GLI2: variants seen among roughly 807,000 people sequenced by gnomAD.
GLI2 encodes the protein GLI family zinc finger 2, also known as transcription activator GLI2.
In GLI2, 22 loss-of-function variants were observed where a neutral mutation model predicts 78.9. The observed-to-expected ratio is 0.28, with a 90% confidence interval of 0.20 to 0.40. The LOEUF (loss-of-function observed/expected upper bound fraction) is 0.40. GLI2 is among the 10% of genes least tolerant of loss of function. The pLI is 1.00. For synonymous variants in GLI2, 974 were observed against 963.7 expected (o/e 1.01, Z -0.20); for missense variants, 2,097 against 2,213.2 (o/e 0.95, Z 1.05).
rs184709297 is a variant in GLI2, at chr2:120,895,071, G to A, written c.149-32290G>A. Among the ~76,000 whole-genome samples the A allele has an allele frequency of 4.2e-3, 639 of 152,268 alleles. 6 individuals carry two copies. Among genetic ancestry groups the A allele is most frequent in the African/African-American group, 0.015 (607 of 41,550 alleles). ...GGCTGATGGGGAGGGGAGGGGAGGG[G>A]CTCCCCGGTGGAGGCTTGGGCCACC... On this transcript the variant is annotated intron_variant, in intron 2 of 13. Coordinates refer to ENST00000361492, the MANE Select transcript of GLI2 (RefSeq NM_001374353.1).
intron 2 of GLI2, among the ~76,000 whole-genome samples, chr2:120,901,169 G>A (rs972997972): frequency 6.6e-6 from 1 of 152,196 alleles, no homozygotes; most frequent in African/African-American, 2.4e-5. Flanking sequence ...TGCCATCCGT[G>A]TTTTACTGAG....
Position 120,951,307 on chromosome 2 carries a change from C to A in GLI2, c.319C>A (p.Pro107Thr). 15 of 1,610,982 alleles carry A rather than the reference C, an allele frequency of 9.3e-6. No individual in the cohort carries two copies. Among genetic ancestry groups the A allele is most frequent in the Non-Finnish European group, 1.3e-5 (15 of 1,177,232 alleles). The change falls in exon 4 of 14, where the codon CCG becomes ACG. Residue 107 changes from proline to threonine, a missense_variant. Coordinates refer to ENST00000361492, the MANE Select transcript of GLI2 (RefSeq NM_001374353.1). ...CTCCTTGATCCGGCTTTCCCCGCAC[C>A]CGGCTGGCCCTGGGGAGTCCCCCTT... ...DISLIRLSPH[P>T]AGPGESPFNA... is the part of the protein sequence containing the mutation.
intron 2 of GLI2, among the ~76,000 whole-genome samples, chr2:120,846,827 T>C (rs1323438318): frequency 6.6e-6 from 1 of 152,240 alleles, no homozygotes; most frequent in Non-Finnish European, 1.5e-5. Context: ...TCAGAGTTGC[T>C]GTGCAGATGG....
chr2:120,807,855 C>T (rs1318420790), intron 2 of GLI2, among the ~76,000 whole-genome samples: 2 of 152,042 alleles, frequency 1.3e-5, no homozygotes, highest in Non-Finnish European at 2.9e-5. Flanking sequence ...CACCCCCCCA[C>T]ACACCTCCCC....
intron 3 of GLI2, among the ~76,000 whole-genome samples, chr2:120,942,229 A>G (rs796581274): frequency 3.4e-4 from 51 of 152,212 alleles, no homozygotes; most frequent in African/African-American, 1.1e-3. Context: ...AACAATAGAA[A>G]TATGTTCTCT....
intron 1 of GLI2, among the ~76,000 whole-genome samples, chr2:120,750,142 C>T (rs934457291): frequency 4.6e-5 from 7 of 152,350 alleles, no homozygotes; most frequent in East Asian, 1.9e-4. Context: ...GGTGGCCCCT[C>T]GTGTCCCTGT....
In GLI2 at chr2:120,968,871, G is replaced by A. The variant is rs2592595; in HGVS notation, c.801G>A (p.Ser267=). The part of the protein sequence containing the change: ...VAYINNSRSS[S]AASGSYGHLS... The stretch of plus-strand genomic sequence containing the variant: ...ACATCAACAACTCCCGAAGCAGCTC[G>A]GCGGCCAGCGGTTCCTACGGGCATC... The change falls in exon 6 of 14, where the codon TCG becomes TCA. Residue 267 remains serine, a synonymous_variant. Coordinates refer to ENST00000361492, the MANE Select transcript of GLI2 (RefSeq NM_001374353.1). 1,546,608 of 1,613,450 alleles carry A rather than the reference G, an allele frequency of 0.96. 751,378 individuals carry two copies. The highest frequency in any genetic ancestry group is 1 in the East Asian group (44,844 of 44,854).
chr2:120,989,431 G>T lies in GLI2; in HGVS notation c.3466G>T (p.Val1156Leu), dbSNP rs761198680. 4 of 1,612,962 alleles carry T rather than the reference G, an allele frequency of 2.5e-6. No individual in the cohort carries two copies. The Admixed American group carries it at 6.7e-5, about 27-fold the overall frequency. ...PPPFPQGNLA[V>L]VQQKPAFGQY... Reference sequence around the variant, plus strand: ...ACCCTTTCCTCAGGGCAACCTGGCGGTGGTGCAGCAGAAGCCTGCCTTTGG... The same window carrying T: ...ACCCTTTCCTCAGGGCAACCTGGCGTTGGTGCAGCAGAAGCCTGCCTTTGG... Residue 1156 changes from valine to leucine, a missense_variant, in exon 14 of 14, where the codon GTG (valine) becomes TTG (leucine). Physicochemically the swap from Val to Leu is conservative, Grantham distance 32. Transcript: ENST00000361492.
chr2:120,879,176 A>G (rs1688915099), intron 2 of GLI2, among the ~76,000 whole-genome samples: 1 of 151,944 alleles, frequency 6.6e-6, no homozygotes, highest in African/African-American at 2.4e-5. Context: ...TTCACTTTCT[A>G]TGGCTTATGT....
intron 8 of GLI2, among the ~76,000 whole-genome samples, chr2:120,974,075 C>T (rs1199376995): frequency 6.6e-6 from 1 of 152,136 alleles, no homozygotes; most frequent in Non-Finnish European, 1.5e-5. Flanking sequence ...ACAACATTTT[C>T]CTGCTGGTTT....
chr2:120,889,025 C>G (rs1677551576), intron 2 of GLI2, among the ~76,000 whole-genome samples: 1 of 152,210 alleles, frequency 6.6e-6, no homozygotes, highest in Non-Finnish European at 1.5e-5. Flanking sequence ...CGTGAGGACT[C>G]TGTCCAGAAA....
At chr2:120,932,146 C>T (rs1012446701) in intron 3 of GLI2, among the ~76,000 whole-genome samples, 25 of 152,288 alleles carry the variant, frequency 1.6e-4, no homozygotes, top group East Asian at 3.9e-4. Context: ...TGGAGAATCC[C>T]GATCCATCAA....
intron 4 of GLI2, 139 bp from the exon 5 acceptor site, chr2:120,955,106 A>G: frequency 1.5e-6 from 1 of 684,530 alleles, no homozygotes; most frequent in Non-Finnish European, 2.6e-6. Flanking sequence ...AGTGGGGGAA[A>G]ATGCCGAGGA....
At chr2:120,945,892 G>T (rs1334547872) in intron 3 of GLI2, among the ~76,000 whole-genome samples, 1 of 150,124 alleles carries the variant, frequency 6.7e-6, no homozygotes, top group East Asian at 2.0e-4. Context: ...AAAGGAAGTG[G>T]GTTCAATATA....
intron 2 of GLI2, among the ~76,000 whole-genome samples, chr2:120,848,118 C>G (rs932685144): frequency 6.6e-6 from 1 of 152,234 alleles, no homozygotes; most frequent in Non-Finnish European, 1.5e-5. Flanking sequence ...GTCCGGCCCC[C>G]GCAGACCGCG....
intron 2 of GLI2, among the ~76,000 whole-genome samples, chr2:120,914,575 C>G (rs1002774743): frequency 1.9e-4 from 29 of 152,350 alleles, no homozygotes; most frequent in Admixed American, 1.8e-3. Context: ...CTCTACATGT[C>G]TACCCAGACA....
chr2:120,810,480 C>G (rs1685184066), intron 2 of GLI2, among the ~76,000 whole-genome samples: 1 of 152,188 alleles, frequency 6.6e-6, no homozygotes, highest in African/African-American at 2.4e-5. Context: ...TGTCCCTCCT[C>G]CCTCTACCTC....
At chr2:120,824,225 G>A (rs1016765059) in intron 2 of GLI2, among the ~76,000 whole-genome samples, 1 of 152,218 alleles carries the variant, frequency 6.6e-6, no homozygotes, top group Non-Finnish European at 1.5e-5. Context: ...AAAAGACCCT[G>A]TGAAGGCTGT....
chr2:120,796,786 TG>T (rs1230286044), intron 1 of GLI2, among the ~76,000 whole-genome samples: 53 of 152,214 alleles, frequency 3.5e-4, no homozygotes, highest in African/African-American at 1.1e-3. Context: ...GTTGACTGAG[TG>T]CGTGTGAGTC....
Sources: allele counts gnomAD v4.1 joint callset (sites outside exome capture counted in the v4.1 genomes callset), GRCh38; gene constraint gnomAD v4.1.1; transcripts MANE v1.5; gene names NCBI Gene and HGNC (gene_info 2026-07-23, HGNC 2026-07-21).